The following CKAP4 variants were observed in gnomAD, a reference collection of about 807,000 sequenced individuals.
CKAP4 encodes cytoskeleton associated protein 4, also known as cytoskeleton-associated protein 4.
Under a neutral mutation model 24.4 loss-of-function variants are expected in CKAP4, and 20 were observed. The observed-to-expected ratio is 0.82, with a 90% CI of 0.58 to 1.19. The LOEUF (loss-of-function observed/expected upper bound fraction) is 1.19, where lower values mean the gene tolerates loss of function less well. Ranked by LOEUF, CKAP4 falls within the 50% of genes most tolerant of loss-of-function variation. The probability of loss-of-function intolerance (pLI) is 0.00; values close to 1 mark genes in which losing one functional copy is unlikely to be tolerated. For missense variants in CKAP4, 744 were observed against 765.3 expected, an observed-to-expected ratio of 0.97 and a Z score of 0.33; for synonymous variants, 378 against 351.7, an observed-to-expected ratio of 1.07 and a Z score of -0.84.
At position 106,239,097 on chromosome 12, in the gene CKAP4, C is replaced by T. The variant is rs142358628; in HGVS notation, c.1736G>A (p.Gly579Asp). 3.7e-5 allele frequency: 60 copies of T among 1,614,072 alleles called. No homozygotes were observed. In the African/African-American group the frequency reaches 6.0e-4, roughly 16 times the overall value. The change falls in exon 2 of 2, where the codon GGT becomes GAT. Residue 579 changes from glycine (G) to aspartate (D), a missense_variant. Coordinates refer to ENST00000378026, the MANE Select transcript of CKAP4 (RefSeq NM_006825.4). This position sits in a 1 kb window ranked among gnomAD's most constrained non-coding sequence, Gnocchi z 4.9. ...TNENNLESAK[G>D]LLDDLRNDLD... ...ATCATTCCTCAGGTCATCTAGTAAA[C>T]CCTTGGCTGATTCCAGATTGTTCTC...
At chr12:106,244,514 G>T (rs1318361377) in intron 1 of CKAP4, among the ~76,000 whole-genome samples, 1 of 152,242 alleles carries the variant, frequency 6.6e-6, no homozygotes, top group Non-Finnish European at 1.5e-5. Flanking sequence ...AGGCGCAGTG[G>T]CTCACATCTG....
chr12:106,246,596 G>GC (rs1399581396), intron 1 of CKAP4: 1 of 152,176 alleles, frequency 6.6e-6, no homozygotes, highest in Non-Finnish European at 1.5e-5. Context: ...TAAAAAATTA[G>GC]CTGGGTATGG....
At chr12:106,243,636 C>T (rs533448103) in intron 1 of CKAP4, among the ~76,000 whole-genome samples, 2 of 152,206 alleles carry the variant, frequency 1.3e-5, no homozygotes, top group Non-Finnish European at 2.9e-5. Context: ...CTTTCTGAAG[C>T]CCAGGACCCA....
rs781000102 is a variant in CKAP4 at position 106,239,846 on chromosome 12, C to T, written c.987G>A (p.Val329=). ...AAGCCTGCTGCTCCTGCTTGAGGCT[C>T]ACCAGCTCGCGGACCTCGGTGTAGA... The part of the protein sequence containing the change: ...SDIYTEVREL[V]SLKQEQQAFK... Residue 329 remains valine (V), a synonymous_variant, in exon 2 of 2, where the codon GTG becomes GTA. Coordinates refer to ENST00000378026, the MANE Select transcript of CKAP4 (RefSeq NM_006825.4). The surrounding 1 kb of genome is among the most constrained non-coding windows in gnomAD (Gnocchi z 4.9). 6 of 1,613,968 alleles carry T rather than the reference C, an allele frequency of 3.7e-6. No homozygotes were observed. In the East Asian group the frequency reaches 8.9e-5, roughly 24 times the overall value.
At chr12:106,245,847 G>C (rs1056334260) in intron 1 of CKAP4, among the ~76,000 whole-genome samples, 2 of 151,678 alleles carry the variant, frequency 1.3e-5, no homozygotes, top group African/African-American at 4.9e-5. Flanking sequence ...CGCCCGCCTC[G>C]GCCTCCTACA....
At chr12:106,244,046 T>C (rs1249930089) in intron 1 of CKAP4, among the ~76,000 whole-genome samples, 1 of 152,222 alleles carries the variant, frequency 6.6e-6, no homozygotes, top group Non-Finnish European at 1.5e-5. Context: ...AAACTTAGGC[T>C]GTCAGAGAAC....
chr12:106,243,220 A>T (rs1186294888), intron 1 of CKAP4, among the ~76,000 whole-genome samples: 1 of 152,066 alleles, frequency 6.6e-6, no homozygotes, highest in African/African-American at 2.4e-5. Context: ...ATCTCATTAC[A>T]CCCTCACCAT....
Position 106,239,918 on chromosome 12 carries a change from C to T in CKAP4, c.915G>A (p.Trp305Ter), listed in dbSNP as rs2033955753. 1.2e-6 allele frequency: 2 copies of T among 1,613,974 alleles called. No individual in the cohort carries two copies. Among genetic ancestry groups the T allele is most frequent in the Admixed American group, 3.3e-5 (2 of 59,992 alleles). ...EIQTSAKSRE[W>*]DMEALRSTLQ... Reference sequence around the variant, plus strand: ...GGGTACTTCTCAGGGCCTCCATGTCCCACTCTCTGGACTTGGCTGAGGTCT... The same window carrying T: ...GGGTACTTCTCAGGGCCTCCATGTCTCACTCTCTGGACTTGGCTGAGGTCT... Residue 305 changes from tryptophan to a stop codon, truncating the protein, a stop_gained, in exon 2 of 2, where the codon TGG (tryptophan) becomes TGA (stop). Transcript: ENST00000378026. LOFTEE classifies it low-confidence loss of function (END_TRUNC). The surrounding 1 kb of genome is among the most constrained non-coding windows in gnomAD (Gnocchi z 4.9).
rs968919393 is a variant in CKAP4 at position 106,240,321 on chromosome 12, G to T, written c.512C>A (p.Thr171Asn). 1 of 1,613,184 alleles carries T rather than the reference G, an allele frequency of 6.2e-7. No homozygotes were observed. The highest frequency in any genetic ancestry group is 1.3e-5 in the African/African-American group (1 of 74,890). ...GGAGCTTCTCAAGATGGACTCAAAA[G>T]TTCCAAATGTGGCTTGCAAAGACTG... ...KVQSLQATFGTFESILRSSQH... is the reference protein window; with the variant it reads ...KVQSLQATFGNFESILRSSQH... The change falls in exon 2 of 2, where the codon ACT becomes AAT. Residue 171 changes from threonine (T) to asparagine (N), a missense_variant. Thr to Asn is a moderately conservative substitution (Grantham distance 65). This residue lies in a region of CKAP4 where 300 missense variants were observed against 264.5 expected (regional missense o/e 1.13). Transcript: ENST00000378026.
intron 1 of CKAP4, among the ~76,000 whole-genome samples, chr12:106,242,248 C>A (rs1331559947): frequency 6.6e-6 from 1 of 152,204 alleles, no homozygotes; most frequent in East Asian, 1.9e-4. Context: ...CTGTGCCCAG[C>A]ACATAGTGAA....
rs1190150834 is a variant in CKAP4, at chr12:106,239,110, C to G, written c.1723G>C (p.Glu575Gln). Residue 575 changes from glutamate (E) to glutamine (Q), a missense_variant, in exon 2 of 2, where the codon GAA becomes CAA. Around this residue, in one of 3 missense-constraint regions of CKAP4, gnomAD observed 401 missense variants for 424.5 expected, o/e 0.94. Transcript: ENST00000378026. This position sits in a 1 kb window ranked among gnomAD's most constrained non-coding sequence, Gnocchi z 4.9. Reference protein sequence around the residue: ...VKIETNENNLESAKGLLDDLR... With the variant: ...VKIETNENNLQSAKGLLDDLR... The stretch of plus-strand genomic sequence containing the variant: ...TCATCTAGTAAACCCTTGGCTGATT[C>G]CAGATTGTTCTCGTTGGTTTCTATT... 2 of 1,613,998 alleles carry G rather than the reference C, an allele frequency of 1.2e-6. No individual in the cohort carries two copies. Among genetic ancestry groups the G allele is most frequent in the Non-Finnish European group, 1.7e-6 (2 of 1,180,030 alleles).
At position 106,247,693 on chromosome 12, in the gene CKAP4, C is replaced by T; in HGVS notation, c.159G>A (p.Gln53=). The change falls in exon 1 of 2, where the codon CAG becomes CAA. Residue 53 remains glutamine, a synonymous_variant. Transcript: ENST00000378026. The surrounding 1 kb of genome is among the most constrained non-coding windows in gnomAD (Gnocchi z 4.5). Reference sequence around the variant, plus strand: ...GGTTCTGCGGGTGCTGCTGCGGGTGCTGCTGCGGGTGCGGCGCGGGCGGCG... The same window carrying T: ...GGTTCTGCGGGTGCTGCTGCGGGTGTTGCTGCGGGTGCGGCGCGGGCGGCG... ...PPPPPAPHPQ[Q]HPQQHPQNQA... is the part of the protein sequence containing the mutation. 1.9e-6 allele frequency: 2 copies of T among 1,056,260 alleles called. No homozygotes were observed. The highest frequency in any genetic ancestry group is 2.3e-6 in the Non-Finnish European group (2 of 882,480). 65.4% of individuals were successfully genotyped at this position (1,056,260 alleles called of 1,614,324 possible).
intron 1 of CKAP4, among the ~76,000 whole-genome samples, chr12:106,243,587 C>T (rs1434826781): frequency 6.6e-6 from 1 of 152,256 alleles, no homozygotes; most frequent in Admixed American, 6.5e-5. Flanking sequence ...GCCAGGGCAA[C>T]ACAGGCTCTT....
At chr12:106,242,018 C>A (rs1336984465) in intron 1 of CKAP4, among the ~76,000 whole-genome samples, 1 of 152,096 alleles carries the variant, frequency 6.6e-6, no homozygotes, top group Non-Finnish European at 1.5e-5. Flanking sequence ...TTGAACACTG[C>A]CATGATAAAA....
intron 1 of CKAP4, among the ~76,000 whole-genome samples, chr12:106,243,561 A>G (rs2033984197): frequency 1.3e-5 from 2 of 152,226 alleles, no homozygotes; most frequent in African/African-American, 4.8e-5. Context: ...CCATTGCTTT[A>G]TATCACGCTG....
chr12:106,239,371 C>T lies in CKAP4; in HGVS notation c.1462G>A (p.Glu488Lys), dbSNP rs748298418. The T allele has an allele frequency of 1.2e-6, 2 of 1,603,170 alleles. No individual in the cohort carries two copies. The highest frequency in any genetic ancestry group is 1.7e-6 in the Non-Finnish European group (2 of 1,178,860). The change falls in exon 2 of 2, where the codon GAG becomes AAG. Residue 488 changes from glutamate (E) to lysine (K), a missense_variant. Physicochemically the swap from Glu to Lys is moderately conservative, Grantham distance 56 (BLOSUM62 1). Transcript: ENST00000378026. The surrounding 1 kb of genome is among the most constrained non-coding windows in gnomAD (Gnocchi z 4.9). Reference protein sequence around the residue: ...TQLVLYGDVEELKRSVGELPS... With the variant: ...TQLVLYGDVEKLKRSVGELPS... ...AGCTCGCCCACACTCCTCTTCAGCT[C>T]CTCCACGTCACCGTAGAGCACCAGC...
chr12:106,240,182 A>G lies in CKAP4; in HGVS notation c.651T>C (p.Asp217=). 6.2e-7 allele frequency: 1 copy of G among 1,614,168 alleles called. No individual in the cohort carries two copies. Among genetic ancestry groups the G allele is most frequent in the Non-Finnish European group, 8.5e-7 (1 of 1,180,034 alleles). Residue 217 remains aspartate, a synonymous_variant, in exon 2 of 2, where the codon GAT becomes GAC. Transcript: ENST00000378026. ...LQNEILKDLS[D]GIHVVKDARE... is the part of the protein sequence containing the mutation. ...GGGCGTCCTTCACCACATGGATCCC[A>G]TCCGAGAGGTCTTTGAGAATCTCAT... is the stretch of plus-strand genomic sequence containing the variant.
At chr12:106,241,957 C>T (rs1046111374) in intron 1 of CKAP4, among the ~76,000 whole-genome samples, 1 of 151,092 alleles carries the variant, frequency 6.6e-6, no homozygotes, top group Non-Finnish European at 1.5e-5. Flanking sequence ...AATGGCAAAA[C>T]ATCAGTAATT....
rs1200218780 is a variant in CKAP4 at position 106,239,785 on chromosome 12, G to A, written c.1048C>T (p.Gln350Ter). 2 of 1,613,878 alleles carry A rather than the reference G, an allele frequency of 1.2e-6. No individual in the cohort carries two copies. Among genetic ancestry groups the A allele is most frequent in the Admixed American group, 3.3e-5 (2 of 60,006 alleles). The change falls in exon 2 of 2, where the codon CAG becomes TAG. Residue 350 changes from glutamine (Q) to a stop codon, truncating the protein, a stop_gained. Transcript: ENST00000378026. LOFTEE classifies it low-confidence loss of function (END_TRUNC). The surrounding 1 kb of genome is among the most constrained non-coding windows in gnomAD (Gnocchi z 4.9). ...CTGAGAAGCTTCTCCGTGAGGGCCT[G>A]CAGGGCGAGCCGCTCCGTGTCGGCC... ...EAADTERLAL[Q>*]ALTEKLLRSE...
Sources: gnomAD v4.1 joint callset for allele counts (sites outside exome capture counted in the v4.1 genomes callset) on GRCh38, gnomAD v4.1.1 for gene constraint, gnomAD v4.1.1 regional missense constraint, Gnocchi (gnomAD v3.1) non-coding constraint, MANE v1.5 for transcripts, NCBI Gene and HGNC (gene_info 2026-07-23, HGNC 2026-07-21) for gene names.